Variants in AK9 observed in about 807,000 individuals in gnomAD.
The protein encoded by AK9 is adenylate kinase domain containing 1.
In AK9, 191 loss-of-function variants were observed where a neutral mutation model predicts 239.6. The observed-to-expected ratio is 0.80, with a 90% confidence interval of 0.71 to 0.90. The LOEUF is 0.90. Ranked by LOEUF, AK9 falls within the 40% of genes least tolerant of loss-of-function variation. The probability of loss-of-function intolerance (pLI) is 0.00; values close to 1 mark genes in which losing one functional copy is unlikely to be tolerated. For missense variants in AK9, 1,995 were observed against 2,214.7 expected, an observed-to-expected ratio of 0.90 and a Z score of 1.99; for synonymous variants, 689 against 721.0, an observed-to-expected ratio of 0.96 and a Z score of 0.71.
chr6:109,572,086 C>T (rs568049819), intron 21 of AK9, among the ~76,000 whole-genome samples: 4 of 152,244 alleles, frequency 2.6e-5, no homozygotes, highest in Admixed American at 2.6e-4. Context: ...CAATATTTCT[C>T]TTTTATGTGA....
At chr6:109,690,024 C>T (rs1774099955) in intron 1 of AK9, among the ~76,000 whole-genome samples, 1 of 152,130 alleles carries the variant, frequency 6.6e-6, no homozygotes, top group Non-Finnish European at 1.5e-5. Context: ...ATAACATAGA[C>T]TTAAGTATTT....
At chr6:109,613,602 T>C (rs78682204) in intron 15 of AK9, among the ~76,000 whole-genome samples, 13 of 151,988 alleles carry the variant, frequency 8.6e-5, no homozygotes, top group South Asian at 2.1e-4. Context: ...CAGTAACTTA[T>C]AATGAGGGTT....
intron 17 of AK9, among the ~76,000 whole-genome samples, chr6:109,589,636 T>C (rs771988994): frequency 2.8e-4 from 42 of 152,310 alleles, no homozygotes; most frequent in Admixed American, 1.9e-3. Context: ...CTGGGTATCC[T>C]TGTCTTGTTA....
At chr6:109,521,469 T>C (rs1779857242) in intron 29 of AK9, among the ~76,000 whole-genome samples, 1 of 152,086 alleles carries the variant, frequency 6.6e-6, no homozygotes, top group African/African-American at 2.4e-5. Context: ...CAAGAAGATG[T>C]CCTTACTCTT....
At chr6:109,667,110 T>C (rs556340948) in intron 5 of AK9, among the ~76,000 whole-genome samples, 12 of 151,574 alleles carry the variant, frequency 7.9e-5, no homozygotes, top group Non-Finnish European at 1.5e-4. Context: ...AATGAAAAGA[T>C]AATTATAGAT....
intron 40 of AK9, among the ~76,000 whole-genome samples, 190 bp downstream of exon 40, chr6:109,493,791 C>T (rs1359611092): frequency 2.0e-5 from 3 of 152,118 alleles, no homozygotes; most frequent in Non-Finnish European, 2.9e-5. Context: ...ATTACTTAGT[C>T]CCTACTTTGA....
intron 32 of AK9, among the ~76,000 whole-genome samples, chr6:109,513,547 G>C (rs749344724): frequency 7.2e-5 from 11 of 152,102 alleles, no homozygotes; most frequent in Non-Finnish European, 1.5e-4. Context: ...GATGGTTATT[G>C]GTCTATTTAG....
intron 8 of AK9, among the ~76,000 whole-genome samples, chr6:109,653,871 TTCTTC>T (rs1799328544): frequency 6.6e-6 from 1 of 152,132 alleles, no homozygotes; most frequent in Non-Finnish European, 1.5e-5. Context: ...TATATTAATA[TTCTTC>T]TAAGTTTTCT....
chr6:109,614,388 C>T lies in AK9; in HGVS notation c.1492G>A (p.Glu498Lys), dbSNP rs1793919852. The change falls in exon 14 of 41, where the codon GAA (glutamate) becomes AAA (lysine). Residue 498 changes from glutamate (E) to lysine (K), a missense_variant. Coordinates refer to ENST00000424296, the MANE Select transcript of AK9 (RefSeq NM_001145128.3). ...MEATHSSIDE[E>K]GYIQGSQRDR... Reference sequence around the variant, plus strand: ...CATCAGCAATATATTTCTTTACCTTCTTCATCAATTGATGAGTGTGTTGCC... The same window carrying T: ...CATCAGCAATATATTTCTTTACCTTTTTCATCAATTGATGAGTGTGTTGCC... 2 of 1,550,918 alleles carry T rather than the reference C, an allele frequency of 1.3e-6. No individual in the cohort carries two copies. Among genetic ancestry groups the T allele is most frequent in the African/African-American group, 1.4e-5 (1 of 73,124 alleles).
At chr6:109,672,237 T>C in intron 3 of AK9, 70 bp from the exon 4 acceptor site, 1 of 1,317,344 alleles carries the variant, frequency 7.6e-7, no homozygotes. Flanking sequence ...CACATTCTAG[T>C]GTCTTGTAAC....
chr6:109,506,183 A>T (rs1265419884), intron 35 of AK9, 144 bp downstream of exon 35: 2 of 693,258 alleles, frequency 2.9e-6, no homozygotes, highest in Admixed American at 5.6e-5. Context: ...ATACTATTAT[A>T]TATAGTATTG....
chr6:109,557,328 CCG>C (rs1785126136), intron 24 of AK9, among the ~76,000 whole-genome samples: 1 of 152,090 alleles, frequency 6.6e-6, no homozygotes, highest in African/African-American at 2.4e-5. Flanking sequence ...GAAGATGTTA[CCG>C]AGAGGGCTAG....
At position 109,674,203 on chromosome 6, in the gene AK9, A is replaced by G; in HGVS notation, c.176T>C (p.Val59Ala). Reference protein sequence around the residue: ...YITQAWKCIRVEALPILEEQI... With the variant: ...YITQAWKCIRAEALPILEEQI... The stretch of plus-strand genomic sequence containing the variant: ...AGAAAAAAGATAAAATTTACCTTCA[A>G]CACGAATACATTTCCATGCCTGTGT... The change falls in exon 3 of 41, where the codon GTT (valine) becomes GCT (alanine). Residue 59 changes from valine to alanine, a missense_variant. Around this residue, in one of 5 missense-constraint regions of AK9, gnomAD observed 252 missense variants for 246.4 expected, o/e 1.02. Transcript: ENST00000424296. The G allele has an allele frequency of 6.3e-7, 1 of 1,576,072 alleles. No individual in the cohort carries two copies. Among genetic ancestry groups the G allele is most frequent in the Non-Finnish European group, 8.6e-7 (1 of 1,165,206 alleles).
At chr6:109,505,977 T>C (rs1025283163) in intron 35 of AK9, among the ~76,000 whole-genome samples, 2 of 152,128 alleles carry the variant, frequency 1.3e-5, no homozygotes, top group African/African-American at 4.8e-5. Flanking sequence ...TGTATTCTCA[T>C]GTGGTAGAAG....
intron 1 of AK9, among the ~76,000 whole-genome samples, chr6:109,687,116 C>G (rs755987951): frequency 3.3e-5 from 5 of 152,218 alleles, no homozygotes; most frequent in African/African-American, 4.8e-5. Flanking sequence ...ATGAGTTCCT[C>G]TCACAAGTGG....
intron 17 of AK9, among the ~76,000 whole-genome samples, chr6:109,596,111 G>A: frequency 6.6e-6 from 1 of 152,182 alleles, no homozygotes; most frequent in Non-Finnish European, 1.5e-5. Flanking sequence ...GCAGATAAGA[G>A]CTAGCTGCAG....
intron 8 of AK9, among the ~76,000 whole-genome samples, chr6:109,652,129 G>C (rs986326325): frequency 5.3e-5 from 8 of 152,164 alleles, no homozygotes; most frequent in African/African-American, 1.7e-4. Flanking sequence ...CAAGATCCCT[G>C]ATGAACATCG....
At chr6:109,642,469 G>A (rs1797574983) in intron 9 of AK9, among the ~76,000 whole-genome samples, 1 of 152,150 alleles carries the variant, frequency 6.6e-6, no homozygotes, top group African/African-American at 2.4e-5. Flanking sequence ...TTCCACTAAT[G>A]TCAAGCTTCT....
chr6:109,679,277 A>G (rs1772254028), intron 1 of AK9, among the ~76,000 whole-genome samples: 1 of 152,014 alleles, frequency 6.6e-6, no homozygotes, highest in Admixed American at 6.5e-5. Context: ...GGGGGAGGGG[A>G]GTCTGCCATT....
Sources: allele counts gnomAD v4.1 joint callset (sites outside exome capture counted in the v4.1 genomes callset), GRCh38; gene constraint gnomAD v4.1.1; regional missense constraint gnomAD v4.1.1; transcripts MANE v1.5; gene names NCBI Gene and HGNC (gene_info 2026-07-23, HGNC 2026-07-21).